FLI1: variants seen among roughly 807,000 people sequenced by gnomAD.
FLI1 encodes Friend leukemia integration 1 transcription factor.
FLI1 carries 13 observed loss-of-function variants against 53.1 expected under a neutral mutation model. That is an observed-to-expected ratio of 0.24 (90% CI 0.16 to 0.39). The LOEUF is 0.39. FLI1 is among the 10% of genes least tolerant of loss of function. The pLI is 1.00. For missense variants in FLI1, 424 were observed against 600.5 expected (o/e 0.71, Z 3.07); for synonymous variants, 244 against 236.7 (o/e 1.03, Z -0.28).
At chr11:128,727,216 C>A (rs1391912987) in intron 1 of FLI1, among the ~76,000 whole-genome samples, 1 of 152,190 alleles carries the variant, frequency 6.6e-6, no homozygotes, top group Non-Finnish European at 1.5e-5. Context: ...CCAAGCCTCA[C>A]CTTCCTGAAC....
intron 1 of FLI1, among the ~76,000 whole-genome samples, chr11:128,734,610 G>C (rs143156560): frequency 1.4e-4 from 21 of 152,240 alleles, no homozygotes; most frequent in African/African-American, 5.1e-4. Context: ...CAATGCCCTG[G>C]CTGGCGGTCA....
At chr11:128,779,605 C>T (rs1344659166) in intron 4 of FLI1, among the ~76,000 whole-genome samples, 1 of 152,186 alleles carries the variant, frequency 6.6e-6, no homozygotes, top group African/African-American at 2.4e-5. Flanking sequence ...CCATTCTGAG[C>T]ACATTGCATG....
chr11:128,761,136 G>T lies in FLI1; in HGVS notation c.230+2810G>T, dbSNP rs115228231. Among the ~76,000 whole-genome samples the T allele has an allele frequency of 1.2e-3, 188 of 151,978 alleles. 1 individual carries two copies. Among genetic ancestry groups the T allele is most frequent in the Non-Finnish European group, 2.2e-3 (147 of 67,976 alleles). ...CCTCCCTCCCACTTCTTCCCTCCGCGCCAGCCTCATAAGACTCTAGCTGCT... is the reference window on the plus strand; with the variant it reads ...CCTCCCTCCCACTTCTTCCCTCCGCTCCAGCCTCATAAGACTCTAGCTGCT... On this transcript the variant is annotated intron_variant, in intron 2 of 8. Coordinates refer to ENST00000527786, the MANE Select transcript of FLI1 (RefSeq NM_002017.5).
chr11:128,755,228 C>T (rs371738490), intron 1 of FLI1, among the ~76,000 whole-genome samples: 2 of 152,172 alleles, frequency 1.3e-5, no homozygotes, highest in Non-Finnish European at 1.5e-5. Context: ...CCCTGCCTCC[C>T]GGGCTTCTTT....
chr11:128,772,937 C>A lies in FLI1; in HGVS notation c.541C>A (p.Leu181Ile). The change falls in exon 4 of 9, where the codon CTC (leucine) becomes ATC (isoleucine). Residue 181 changes from leucine to isoleucine, a missense_variant. Transcript: ENST00000527786. ...GGAGGACTTCCTCCGCGCCACCACC[C>A]TCTACAACACGGAAGTGCTGTTGTC... is the stretch of plus-strand genomic sequence containing the variant. ...NKEDFLRATT[L>I]YNTEVLLSHL... The A allele has an allele frequency of 1.9e-6, 3 of 1,614,006 alleles. No homozygotes were observed. Among genetic ancestry groups the A allele is most frequent in the South Asian group, 1.1e-5 (1 of 91,078 alleles).
chr11:128,793,899 G>C (rs1942352149), intron 5 of FLI1, among the ~76,000 whole-genome samples: 1 of 152,128 alleles, frequency 6.6e-6, no homozygotes, highest in Non-Finnish European at 1.5e-5. Flanking sequence ...GTTCCCATTG[G>C]ACTCAGCCCA....
At chr11:128,720,302 G>T (rs1939199280) in intron 1 of FLI1, among the ~76,000 whole-genome samples, 2 of 152,264 alleles carry the variant, frequency 1.3e-5, no homozygotes, top group South Asian at 4.1e-4. Flanking sequence ...CCTGGGCTCT[G>T]GAATAGTATA....
intron 4 of FLI1, among the ~76,000 whole-genome samples, chr11:128,780,236 C>G (rs1157109483): frequency 6.6e-6 from 1 of 152,190 alleles, no homozygotes; most frequent in Non-Finnish European, 1.5e-5. Flanking sequence ...TCAATACCAC[C>G]CCCGTCATCC....
intron 1 of FLI1, among the ~76,000 whole-genome samples, chr11:128,757,048 CTT>C (rs987643545): frequency 0.013 from 639 of 49,228 alleles, 8 homozygotes; most frequent in African/African-American, 0.054. Context: ...CTAATTTTTT[CTT>C]TCTTTCTTTC....
rs999796107 is a variant in FLI1 at position 128,812,239 on chromosome 11, C to T, written c.*1251C>T. On this transcript the variant is annotated 3_prime_UTR_variant, in exon 9 of 9. Coordinates refer to ENST00000527786, the MANE Select transcript of FLI1 (RefSeq NM_002017.5). Reference sequence around the variant, plus strand: ...TCTGGGAAAAACAACGAAACTTTCCCTTGTGGAGAGGAGGGATTTTCCTGC... The same window carrying T: ...TCTGGGAAAAACAACGAAACTTTCCTTTGTGGAGAGGAGGGATTTTCCTGC... The T allele has an allele frequency of 1.4e-5, 3 of 219,402 alleles. No individual in the cohort carries two copies. The East Asian group carries it at 2.0e-4, about 15-fold the overall frequency. 13.6% of individuals were successfully genotyped at this position (219,402 alleles called of 1,614,324 possible).
intron 1 of FLI1, among the ~76,000 whole-genome samples, chr11:128,699,426 C>T (rs1057025796): frequency 1.7e-4 from 26 of 152,044 alleles, no homozygotes; most frequent in South Asian, 4.1e-4. Flanking sequence ...TGTTTTGTAA[C>T]GAATTAAGTA....
At chr11:128,784,596 C>T (rs1165356165) in intron 5 of FLI1, among the ~76,000 whole-genome samples, 2 of 152,202 alleles carry the variant, frequency 1.3e-5, no homozygotes, top group Non-Finnish European at 2.9e-5. Context: ...TCTTGCTCCT[C>T]TATGCCTTCC....
chr11:128,757,094 T>TTCTTTCTC (rs1940917309), intron 1 of FLI1, among the ~76,000 whole-genome samples: 1 of 135,104 alleles, frequency 7.4e-6, no homozygotes, highest in Admixed American at 7.3e-5. Flanking sequence ...CTTTCTTTCT[T>TTCTTTCTC]TCTTTCTTTC....
At chr11:128,686,557 C>T (rs1865807052) in exon 1 of FLI1, 1 of 440,032 alleles carries the variant, frequency 2.3e-6, no homozygotes, top group Non-Finnish European at 4.6e-6. Flanking sequence ...TCTGCATCCC[C>T]ACTTCATCAC....
At position 128,791,991 on chromosome 11, in the gene FLI1, T is replaced by C. The variant is rs966771009; in HGVS notation, c.655+9968T>C. On this transcript the variant is annotated intron_variant, in intron 5 of 8. Coordinates refer to ENST00000527786, the MANE Select transcript of FLI1 (RefSeq NM_002017.5). ...TCTGCTCAATTCCACCTTCCTTTCT[T>C]CACTTATGCCCCAGACAGCCACAAT... Among the ~76,000 whole-genome samples, 3 of 152,182 alleles carry C rather than the reference T, an allele frequency of 2.0e-5. No individual in the cohort carries two copies. In the East Asian group the frequency reaches 5.8e-4, roughly 29 times the overall value.
intron 2 of FLI1, among the ~76,000 whole-genome samples, chr11:128,761,098 C>T (rs1213706552): frequency 6.6e-6 from 1 of 152,172 alleles, no homozygotes; most frequent in African/African-American, 2.4e-5. Context: ...CTCTGACATC[C>T]TCTCTACTGC....
At chr11:128,785,837 C>T (rs1420445718) in intron 5 of FLI1, among the ~76,000 whole-genome samples, 2 of 152,100 alleles carry the variant, frequency 1.3e-5, no homozygotes, top group African/African-American at 4.8e-5. Context: ...CCAGGAGCGG[C>T]AAGGAGTGGA....
chr11:128,713,027 A>T (rs907992366), intron 1 of FLI1, among the ~76,000 whole-genome samples: 3 of 152,192 alleles, frequency 2.0e-5, no homozygotes, highest in Non-Finnish European at 4.4e-5. Flanking sequence ...TTTCTTTGGA[A>T]GTCTTCAGGT....
chr11:128,793,071 T>C (rs1942325471), intron 5 of FLI1, among the ~76,000 whole-genome samples: 1 of 151,950 alleles, frequency 6.6e-6, no homozygotes, highest in South Asian at 2.1e-4. Context: ...TGAGCCGGGA[T>C]TGCACCACTG....
Sources: allele counts gnomAD v4.1 joint callset (sites outside exome capture counted in the v4.1 genomes callset), GRCh38; gene constraint gnomAD v4.1.1; transcripts MANE v1.5; gene names NCBI Gene and HGNC (gene_info 2026-07-23, HGNC 2026-07-21).